The following MTAP variants were observed in gnomAD, a reference collection of about 807,000 sequenced individuals.
The protein encoded by MTAP is methylthioadenosine phosphorylase, also known as S-methyl-5'-thioadenosine phosphorylase.
Under a neutral mutation model 33.6 loss-of-function variants are expected in MTAP, and 33 were observed. The ratio of observed to expected loss-of-function variants is 0.98; its 90% confidence interval spans 0.74 to 1.31. The LOEUF (loss-of-function observed/expected upper bound fraction) is 1.31, where lower values mean the gene tolerates loss of function less well. MTAP is among the 40% of genes most tolerant of loss of function. The pLI, the probability that MTAP is intolerant of heterozygous loss-of-function variation, is 0.00. For missense variants in MTAP, 367 were observed against 360.0 expected, an observed-to-expected ratio of 1.02 and a Z score of -0.16; for synonymous variants, 148 against 125.7, an observed-to-expected ratio of 1.18 and a Z score of -1.19.
chr9:21,900,664 G>A (rs995585805), intron 1 of MTAP, among the ~76,000 whole-genome samples: 2 of 152,178 alleles, frequency 1.3e-5, no homozygotes, highest in Non-Finnish European at 2.9e-5. Flanking sequence ...TCCCATTACT[G>A]GGTATATACC....
chr9:21,915,089 C>CTTTCTTTCTTTCCTTCTTTCTTTCTTTA (rs1563869575), intron 1 of MTAP, among the ~76,000 whole-genome samples: 1 of 124,040 alleles, frequency 8.1e-6, no homozygotes, highest in African/African-American at 3.8e-5. Flanking sequence ...TCTTTCCTTT[C>CTTTCTTTCTTTCCTTCTTTCTTTCTTTA]TTTCTTTTCT....
chr9:21,874,949 G>A lies in MTAP; in HGVS notation c.147+20079G>A, dbSNP rs150734142. 7.5e-3 allele frequency among the ~76,000 whole-genome samples: 1,137 copies of A among 151,824 alleles called. 14 individuals carry two copies. The highest frequency in any genetic ancestry group is 0.025 in the African/African-American group (1,042 of 41,444). On this transcript the variant is annotated intron_variant, in intron 1 of 1. Coordinates refer to the MTAP transcript ENST00000577563. ...TATGAGTGAGAACATGCAGTGTTTG[G>A]TTTTCTATTGGAATGATGGTTTCCA...
At chr9:21,903,833 T>C (rs1818429146) in intron 1 of MTAP, among the ~76,000 whole-genome samples, 1 of 152,160 alleles carries the variant, frequency 6.6e-6, no homozygotes, top group Non-Finnish European at 1.5e-5. Flanking sequence ...CCTGAAGCCC[T>C]AGTGGGCATG....
At chr9:21,930,825 C>G in intron 1 of MTAP, 1 of 688,316 alleles carries the variant, frequency 1.5e-6, no homozygotes. Context: ...ACTCCTAAAT[C>G]GAGCCTCCAG....
chr9:21,884,718 A>G (rs1818080618), intron 1 of MTAP, among the ~76,000 whole-genome samples: 1 of 152,120 alleles, frequency 6.6e-6, no homozygotes, highest in Admixed American at 6.6e-5. Context: ...CTCCACTTCC[A>G]TGACCTCATC....
chr9:21,882,566 A>G (rs1818032185), intron 1 of MTAP, among the ~76,000 whole-genome samples: 1 of 152,060 alleles, frequency 6.6e-6, no homozygotes, highest in South Asian at 2.1e-4. Flanking sequence ...TCTCTCTTAC[A>G]AATTGATGTG....
chr9:21,886,462 A>G (rs1818112721), intron 1 of MTAP, among the ~76,000 whole-genome samples: 1 of 151,994 alleles, frequency 6.6e-6, no homozygotes, highest in Admixed American at 6.6e-5. Flanking sequence ...TTTGTTAAGT[A>G]CCATCTATTT....
At chr9:21,860,054 G>A (rs2118558920) in intron 7 of MTAP, 1 of 152,252 alleles carries the variant, frequency 6.6e-6, no homozygotes, top group Middle Eastern at 3.4e-3. Flanking sequence ...ATCCAAAGAG[G>A]ACCATACCCC....
intron 1 of MTAP, among the ~76,000 whole-genome samples, chr9:21,874,555 A>T (rs973441315): frequency 6.6e-6 from 1 of 151,946 alleles, no homozygotes; most frequent in Non-Finnish European, 1.5e-5. Context: ...AGAGACTTTG[A>T]TTGGTTGTTT....
At chr9:21,919,339 A>G (rs1818747963) in intron 1 of MTAP, among the ~76,000 whole-genome samples, 1 of 152,228 alleles carries the variant, frequency 6.6e-6, no homozygotes, top group Non-Finnish European at 1.5e-5. Flanking sequence ...ACCTTACCAG[A>G]TTATTTTGAA....
At chr9:21,830,597 G>T (rs1239401703) in intron 4 of MTAP, among the ~76,000 whole-genome samples, 5 of 152,178 alleles carry the variant, frequency 3.3e-5, no homozygotes, top group Middle Eastern at 3.2e-3. Context: ...TCATCAGGCT[G>T]TTTATACATT....
intron 4 of MTAP, among the ~76,000 whole-genome samples, chr9:21,837,068 T>G (rs1825127890): frequency 6.6e-6 from 1 of 152,228 alleles, no homozygotes; most frequent in African/African-American, 2.4e-5. Flanking sequence ...AGTGGCTTGT[T>G]CTGAAAACTT....
intron 4 of MTAP, 128 bp from the exon 5 acceptor site, chr9:21,837,780 C>A: frequency 2.8e-6 from 2 of 717,196 alleles, no homozygotes; most frequent in Non-Finnish European, 4.7e-6. Context: ...TTAGCTTATC[C>A]AGAGGAATTG....
At chr9:21,910,087 T>C (rs1415581496) in intron 1 of MTAP, among the ~76,000 whole-genome samples, 4 of 152,214 alleles carry the variant, frequency 2.6e-5, no homozygotes, top group African/African-American at 9.6e-5. Context: ...ATGGTATTTG[T>C]TTCTTTCATT....
chr9:21,921,709 A>G (rs890448076), intron 1 of MTAP, among the ~76,000 whole-genome samples: 2 of 152,202 alleles, frequency 1.3e-5, no homozygotes, highest in Non-Finnish European at 2.9e-5. Flanking sequence ...AGTGGCTCAC[A>G]CCTGTAATCC....
intron 1 of MTAP, among the ~76,000 whole-genome samples, chr9:21,883,490 A>G (rs1818051286): frequency 6.6e-6 from 1 of 152,074 alleles, no homozygotes; most frequent in South Asian, 2.1e-4. Context: ...ACTAAATTGA[A>G]GATAAGCCTA....
chr9:21,816,848 A>G (rs1032794768), intron 3 of MTAP, 76 bp downstream of exon 3: 41 of 1,266,404 alleles, frequency 3.2e-5, no homozygotes, highest in Non-Finnish European at 4.3e-5. Flanking sequence ...GAAAGAGTAA[A>G]GATACAGGTC....
At chr9:21,811,267 G>C (rs566877635) in intron 1 of MTAP, among the ~76,000 whole-genome samples, 1 of 152,208 alleles carries the variant, frequency 6.6e-6, no homozygotes, top group Non-Finnish European at 1.5e-5. Context: ...CTGGGACAAA[G>C]AAGGGTTGGT....
chr9:21,904,220 G>C (rs927472667), intron 1 of MTAP, among the ~76,000 whole-genome samples: 1 of 152,190 alleles, frequency 6.6e-6, no homozygotes, highest in Non-Finnish European at 1.5e-5. Context: ...TTCCTCTGCT[G>C]ATGTGGTCCT....
Sources: allele counts gnomAD v4.1 joint callset (sites outside exome capture counted in the v4.1 genomes callset), GRCh38; gene constraint gnomAD v4.1.1; transcripts MANE v1.5; gene names NCBI Gene and HGNC (gene_info 2026-07-23, HGNC 2026-07-21).